VWA3B: variants seen among roughly 807,000 people sequenced by gnomAD.
VWA3B encodes the protein von Willebrand factor A domain containing 3B, also known as von Willebrand factor A domain-containing protein 3B.
Under a neutral mutation model 158.3 loss-of-function variants are expected in VWA3B, and 138 were observed. The ratio of observed to expected loss-of-function variants is 0.87; its 90% CI spans 0.76 to 1.00. VWA3B has a LOEUF of 1.00. Ranked by LOEUF, VWA3B falls within the 50% of genes least tolerant of loss-of-function variation. The probability of loss-of-function intolerance (pLI) is 0.00; values close to 1 mark genes in which losing one functional copy is unlikely to be tolerated. For synonymous variants in VWA3B, 596 were observed against 587.3 expected (o/e 1.01, Z -0.21); for missense variants, 1,555 against 1,565.1 (o/e 0.99, Z 0.11).
intron 22 of VWA3B, among the ~76,000 whole-genome samples, chr2:98,288,556 C>G (rs1220896834): frequency 6.6e-6 from 1 of 152,166 alleles, no homozygotes; most frequent in Non-Finnish European, 1.5e-5. Flanking sequence ...AAGACATTCT[C>G]TTCTCCCTCT....
chr2:98,153,410 T>C (rs1489271251), intron 7 of VWA3B, among the ~76,000 whole-genome samples: 2 of 152,202 alleles, frequency 1.3e-5, no homozygotes, highest in African/African-American at 4.8e-5. Flanking sequence ...TGATTCTACC[T>C]TCAGAAACTG....
chr2:98,281,788 A>T (rs1208345551), intron 22 of VWA3B, among the ~76,000 whole-genome samples: 1 of 152,096 alleles, frequency 6.6e-6, no homozygotes, highest in Non-Finnish European at 1.5e-5. Context: ...TTTGTAGACA[A>T]GGCTAAATCA....
At chr2:98,249,455 G>A (rs145848315) in intron 19 of VWA3B, among the ~76,000 whole-genome samples, 16 of 152,236 alleles carry the variant, frequency 1.1e-4, no homozygotes, top group Non-Finnish European at 2.1e-4. Flanking sequence ...TGAGGTAAGC[G>A]TCTGTTACCC....
At chr2:98,319,498 A>T in the VWA3B span, among the ~76,000 whole-genome samples, 1 of 152,238 alleles carries the variant, frequency 6.6e-6, no homozygotes, top group Non-Finnish European at 1.5e-5. Context: ...TAGGCAAAAG[A>T]CAATGAACTA....
At chr2:98,292,694 G>A (rs949338151) in intron 23 of VWA3B, among the ~76,000 whole-genome samples, 2 of 152,150 alleles carry the variant, frequency 1.3e-5, no homozygotes, top group Non-Finnish European at 1.5e-5. Context: ...GCCAGGTGCG[G>A]TGGCTCACAC....
At chr2:98,177,732 C>G (rs770488402) in intron 8 of VWA3B, among the ~76,000 whole-genome samples, 1 of 152,070 alleles carries the variant, frequency 6.6e-6, no homozygotes, top group African/African-American at 2.4e-5. Flanking sequence ...AGGACTGCAC[C>G]GCCTGGTCCA....
At chr2:98,124,226 A>T (rs967423947) in intron 5 of VWA3B, among the ~76,000 whole-genome samples, 5 of 152,218 alleles carry the variant, frequency 3.3e-5, no homozygotes, top group African/African-American at 1.2e-4. Context: ...TGCTTGTTGA[A>T]CAGTGAAAGG....
intron 19 of VWA3B, among the ~76,000 whole-genome samples, chr2:98,244,443 T>C (rs1686264927): frequency 1.3e-5 from 2 of 152,182 alleles, no homozygotes; most frequent in Admixed American, 6.5e-5. Context: ...TCTCTTAAGC[T>C]GTTTTTCACA....
chr2:98,161,858 C>T (rs1379959862), intron 7 of VWA3B, among the ~76,000 whole-genome samples: 1 of 152,106 alleles, frequency 6.6e-6, no homozygotes, highest in Non-Finnish European at 1.5e-5. Context: ...AGGCACGGGC[C>T]ACCACGCTCA....
intron 19 of VWA3B, among the ~76,000 whole-genome samples, chr2:98,243,955 A>T (rs1400590806): frequency 6.6e-6 from 1 of 152,200 alleles, no homozygotes; most frequent in Non-Finnish European, 1.5e-5. Context: ...TAGTTGAAAA[A>T]CAGTGAAGTT....
At chr2:98,127,544 G>A (rs1488003216) in intron 5 of VWA3B, among the ~76,000 whole-genome samples, 2 of 134,110 alleles carry the variant, frequency 1.5e-5, no homozygotes, top group African/African-American at 5.5e-5. Flanking sequence ...GGGGAGGTGT[G>A]CATCTTCCAG....
intron 2 of VWA3B, among the ~76,000 whole-genome samples, chr2:98,103,079 G>A (rs944886029): frequency 3.3e-5 from 5 of 152,110 alleles, no homozygotes; most frequent in Admixed American, 3.3e-4. Flanking sequence ...ATGCATGTAG[G>A]ATCTGTAGTG....
At chr2:98,163,226 C>T (rs1230402805) in intron 8 of VWA3B, among the ~76,000 whole-genome samples, 1 of 152,092 alleles carries the variant, frequency 6.6e-6, no homozygotes, top group Non-Finnish European at 1.5e-5. Flanking sequence ...GTACCCAGAG[C>T]TGGACAGTAA....
intron 7 of VWA3B, among the ~76,000 whole-genome samples, chr2:98,140,496 T>C (rs966351025): frequency 6.6e-6 from 1 of 152,194 alleles, no homozygotes; most frequent in African/African-American, 2.4e-5. Context: ...CCTGCCCCTG[T>C]TACCACTCCT....
intron 1 of VWA3B, among the ~76,000 whole-genome samples, chr2:98,089,739 T>TTTGTATTTCAGACAATACAAATATTCC (rs1682139510): frequency 6.7e-6 from 1 of 148,658 alleles, no homozygotes; most frequent in Non-Finnish European, 1.5e-5. Flanking sequence ...ACAAATATTC[T>TTTGTATTTCAGACAATACAAATATTCC]CAGGCTACAA....
rs143058051 is a variant in VWA3B at position 98,275,763 on chromosome 2, G to C, written c.3045+4880G>C. On this transcript the variant is annotated intron_variant, in intron 22 of 27. Transcript: ENST00000477737. Reference sequence around the variant, plus strand: ...GCAGAATGATGTCTGAAAGCCATTTGACTTGCCAAGAGAAGGTGCATTAGT... The same window carrying C: ...GCAGAATGATGTCTGAAAGCCATTTCACTTGCCAAGAGAAGGTGCATTAGT... Among the ~76,000 whole-genome samples the C allele has an allele frequency of 8.1e-3, 1,228 of 152,360 alleles. 8 individuals carry two copies. The highest frequency in any genetic ancestry group is 0.013 in the Non-Finnish European group (902 of 68,034).
chr2:98,177,466 G>A (rs755063558), intron 8 of VWA3B, among the ~76,000 whole-genome samples: 2 of 152,096 alleles, frequency 1.3e-5, no homozygotes, highest in African/African-American at 4.8e-5. Flanking sequence ...AGTAAGTGAC[G>A]CTAGTGAATG....
intron 23 of VWA3B, among the ~76,000 whole-genome samples, chr2:98,292,944 A>G (rs1689583945): frequency 6.6e-6 from 1 of 151,996 alleles, no homozygotes; most frequent in Non-Finnish European, 1.5e-5. Flanking sequence ...AGCCTGGGAG[A>G]CAGAGTGAGA....
intron 7 of VWA3B, among the ~76,000 whole-genome samples, chr2:98,140,413 C>T (rs1004277920): frequency 6.6e-6 from 1 of 152,182 alleles, no homozygotes; most frequent in Non-Finnish European, 1.5e-5. Context: ...CCGGAAGCTG[C>T]CACTCATCTT....
Sources: gnomAD v4.1 joint callset for allele counts (sites outside exome capture counted in the v4.1 genomes callset) on GRCh38, gnomAD v4.1.1 for gene constraint, MANE v1.5 for transcripts, NCBI Gene and HGNC (gene_info 2026-07-23, HGNC 2026-07-21) for gene names.